IQCE: variants seen among roughly 807,000 people sequenced by gnomAD.
IQCE encodes IQ motif containing E.
Under a neutral mutation model 96.0 loss-of-function variants are expected in IQCE, and 115 were observed. The ratio of observed to expected loss-of-function variants is 1.20; its 90% CI spans 1.03 to 1.40. The LOEUF (loss-of-function observed/expected upper bound fraction) is 1.40, where lower values mean the gene tolerates loss of function less well. Among genes scored for constraint, IQCE ranks in the 40% most tolerant of loss-of-function variants. The pLI, the probability that IQCE is intolerant of heterozygous loss-of-function variation, is 0.00. For missense variants in IQCE, 1,041 were observed against 909.1 expected (o/e 1.15, Z -1.87); for synonymous variants, 412 against 371.2 (o/e 1.11, Z -1.26).
intron 8 of IQCE, among the ~76,000 whole-genome samples, chr7:2,578,792 A>G (rs907533332): frequency 5.6e-4 from 86 of 152,274 alleles, no homozygotes; most frequent in African/African-American, 1.9e-3. Flanking sequence ...AAAATACATT[A>G]AGCTTAACAA....
In IQCE at chr7:2,559,158, G is replaced by A. The variant is rs1445795852; in HGVS notation, c.-24G>A. ...GGACGCCCGAGCCAGCAACCCTGAG[G>A]GGCGGCCGGGCAGCGCCGCCACCAT... On this transcript the variant is annotated 5_prime_UTR_variant, in exon 1 of 22. Transcript: ENST00000402050. 2.5e-5 allele frequency: 30 copies of A among 1,213,506 alleles called. No individual in the cohort carries two copies. The highest frequency in any genetic ancestry group is 3.1e-5 in the Non-Finnish European group (30 of 975,724). The allele number at this position is 1,213,506 out of a possible 1,614,324, so 75.2% of individuals were successfully genotyped here. A position where few individuals can be genotyped will look rare whatever the true frequency, so the allele number is the denominator to read the frequency against.
intron 18 of IQCE, among the ~76,000 whole-genome samples, chr7:2,604,443 AATT>A (rs1362495289): frequency 1.3e-5 from 2 of 152,346 alleles, no homozygotes; most frequent in East Asian, 3.9e-4. Flanking sequence ...CAGGATAAAT[AATT>A]CTCTTAAGAT....
Position 2,583,401 on chromosome 7 carries a change from A to T in IQCE, c.702-236A>T, listed in dbSNP as rs79583679. Among the ~76,000 whole-genome samples, 1,451 of 152,208 alleles carry T rather than the reference A, an allele frequency of 9.5e-3. 19 individuals carry two copies. The highest frequency in any genetic ancestry group is 0.033 in the African/African-American group (1,378 of 41,534). ...TGGAAAAGCTGTTTACTCACTTTGG[A>T]AAGTGGCTGGTCTACACAGGAGATG... is the stretch of plus-strand genomic sequence containing the variant. On this transcript the variant is annotated intron_variant, in intron 9 of 21. Transcript: ENST00000402050.
chr7:2,601,637 C>T (rs1784441966), intron 18 of IQCE, 173 bp downstream of exon 18: 3 of 605,164 alleles, frequency 5.0e-6, no homozygotes, highest in Non-Finnish European at 9.0e-6. Flanking sequence ...GCAACCTCCG[C>T]CTCCTGGGTT....
intron 17 of IQCE, 142 bp from the exon 18 acceptor site, chr7:2,601,299 C>A (rs975697692): frequency 4.5e-6 from 3 of 662,468 alleles, no homozygotes; most frequent in Admixed American, 5.7e-5. Flanking sequence ...TGCTGGGTCC[C>A]GGCAGCTCGG....
chr7:2,567,168 G>C lies in IQCE; in HGVS notation c.84+5G>C, dbSNP rs761194034. 1 of 1,612,850 alleles carries C rather than the reference G, an allele frequency of 6.2e-7. No homozygotes were observed. The highest frequency in any genetic ancestry group is 1.1e-5 in the South Asian group (1 of 91,042). The stretch of plus-strand genomic sequence containing the variant: ...TTTGACTCTGATGTGGAGACGGTGA[G>C]TGCCGCTGGGTGTCAGCCGTGCGAC... On this transcript the variant is annotated splice_donor_5th_base_variant and intron_variant, in intron 2 of 21. Coordinates refer to ENST00000402050, the MANE Select transcript of IQCE (RefSeq NM_152558.5).
At chr7:2,604,807 G>C in intron 18 of IQCE, 74 bp from the exon 19 acceptor site, 1 of 1,014,378 alleles carries the variant, frequency 9.9e-7, no homozygotes, top group East Asian at 2.6e-5. Flanking sequence ...CTCTCTCCTC[G>C]GCGCCTCCCT....
Position 2,582,646 on chromosome 7 carries a change from A to G in IQCE, c.697A>G (p.Ile233Val). The stretch of plus-strand genomic sequence containing the variant: ...GCAGTGCAAGGAGAAGGACGGCACC[A>G]TCAGGTGGGCGCAGGGCTGCACCCT... ...EQQCKEKDGTISKLQTDMKTT... is the reference protein window; with the variant it reads ...EQQCKEKDGTVSKLQTDMKTT... Residue 233 changes from isoleucine (I) to valine (V), a missense_variant, in exon 9 of 22, where the codon ATC becomes GTC. Physicochemically the swap from Ile to Val is conservative, Grantham distance 29. Transcript: ENST00000402050. 6.2e-7 allele frequency: 1 copy of G among 1,613,782 alleles called. No homozygotes were observed. The highest frequency in any genetic ancestry group is 8.5e-7 in the Non-Finnish European group (1 of 1,179,780).
chr7:2,593,137 C>G lies in IQCE; in HGVS notation c.1349+11C>G. 1 of 1,606,202 alleles carries G rather than the reference C, an allele frequency of 6.2e-7. No individual in the cohort carries two copies. Among genetic ancestry groups the G allele is most frequent in the Non-Finnish European group, 8.5e-7 (1 of 1,174,582 alleles). On this transcript the variant is annotated intron_variant, in intron 15 of 21. Transcript: ENST00000402050. ...AGAGGAGGTTTTGAGGTATGTGACC[C>G]GGGTCAGGGCTGGAGAGGACCCAGG...
intron 18 of IQCE, among the ~76,000 whole-genome samples, chr7:2,602,943 C>T (rs1784534168): frequency 6.6e-6 from 1 of 152,228 alleles, no homozygotes; most frequent in Non-Finnish European, 1.5e-5. Context: ...GCTGGACTGC[C>T]CACCTGGCCC....
In IQCE at chr7:2,612,544, T is replaced by C. The variant is rs149248381; in HGVS notation, c.*2382T>C. On this transcript the variant is annotated 3_prime_UTR_variant, in exon 22 of 22. Transcript: ENST00000402050. ...CCATGGAGCCATGGGAGGGGTGAGC[T>C]GTGGGCGGGGCCTAGTCATGGGAGG... 1.2e-3 allele frequency: 171 copies of C among 141,598 alleles called. 1 individual carries two copies. Among genetic ancestry groups the C allele is most frequent in the Non-Finnish European group, 2.1e-3 (139 of 65,392 alleles). 8.8% of individuals were successfully genotyped at this position (141,598 alleles called of 1,614,324 possible).
At chr7:2,594,506 G>A (rs1234901493) in intron 15 of IQCE, among the ~76,000 whole-genome samples, 1 of 152,350 alleles carries the variant, frequency 6.6e-6, no homozygotes, top group South Asian at 2.1e-4. Context: ...GCGATCCTCT[G>A]GCCTTGGCCT....
Position 2,573,457 on chromosome 7 carries a change from A to T in IQCE, c.434A>T (p.Asp145Val). Residue 145 changes from aspartate to valine, a missense_variant, in exon 6 of 22, where the codon GAT becomes GTT. Asp to Val is a radical substitution (Grantham distance 152). Transcript: ENST00000402050. Reference protein sequence around the residue: ...PGTPVYREKEDMYDEIIELKK... With the variant: ...PGTPVYREKEVMYDEIIELKK... The stretch of plus-strand genomic sequence containing the variant: ...ACTCCTGTCTACAGAGAAAAAGAAG[A>T]TATGTATGACGAGATTATTGAGTTA... The T allele has an allele frequency of 6.5e-7, 1 of 1,548,296 alleles. No homozygotes were observed. The highest frequency in any genetic ancestry group is 8.9e-7 in the Non-Finnish European group (1 of 1,120,714).
intron 12 of IQCE, 69 bp from the exon 13 acceptor site, chr7:2,587,753 C>T (rs534955732): frequency 8.8e-6 from 13 of 1,482,594 alleles, no homozygotes; most frequent in African/African-American, 6.9e-5. Context: ...TCAGGCCATA[C>T]CTGAGAAGGG....
At chr7:2,568,033 C>T (rs1057066017) in intron 2 of IQCE, among the ~76,000 whole-genome samples, 10 of 152,164 alleles carry the variant, frequency 6.6e-5, no homozygotes, top group South Asian at 6.2e-4. Flanking sequence ...CTTATCTGCT[C>T]GGTCTAGTGC....
chr7:2,604,539 G>T (rs1011051716), intron 18 of IQCE, among the ~76,000 whole-genome samples: 1 of 152,144 alleles, frequency 6.6e-6, no homozygotes, highest in Non-Finnish European at 1.5e-5. Context: ...ATTCCAACCT[G>T]AAAAAACGCT....
intron 12 of IQCE, among the ~76,000 whole-genome samples, chr7:2,587,590 C>A (rs1007349926): frequency 6.6e-6 from 1 of 152,088 alleles, no homozygotes; most frequent in African/African-American, 2.4e-5. Context: ...GATGTCACCC[C>A]GAGATGCTTG....
chr7:2,608,634 G>A (rs17132503), intron 21 of IQCE, among the ~76,000 whole-genome samples: 71,808 of 152,036 alleles, frequency 0.47, 17,204 homozygotes, highest in African/African-American at 0.52. Context: ...GTTGTTCTCC[G>A]GGAGCCGATT....
At chr7:2,607,428 G>C in intron 21 of IQCE, 1 of 1,337,574 alleles carries the variant, frequency 7.5e-7, no homozygotes, top group Non-Finnish European at 9.6e-7. Flanking sequence ...CTTGTCCTTT[G>C]TGCCTGGAAT....
Sources: allele counts gnomAD v4.1 joint callset (sites outside exome capture counted in the v4.1 genomes callset), GRCh38; gene constraint gnomAD v4.1.1; transcripts MANE v1.5; gene names NCBI Gene and HGNC (gene_info 2026-07-23, HGNC 2026-07-21).